ANO3: variants seen among roughly 807,000 people sequenced by gnomAD.
ANO3 encodes anoctamin-3.
Under a neutral mutation model 144.8 loss-of-function variants are expected in ANO3, and 99 were observed. That is an observed-to-expected ratio of 0.68 (90% confidence interval 0.58 to 0.81). The LOEUF (loss-of-function observed/expected upper bound fraction) is 0.81. Among genes scored for constraint, ANO3 ranks in the 30% least tolerant of loss-of-function variants. ANO3 has a pLI of 0.00. For missense variants in ANO3, 905 were observed against 1,202.2 expected, an observed-to-expected ratio of 0.75 and a Z score of 3.66; for synonymous variants, 414 against 392.6, an observed-to-expected ratio of 1.05 and a Z score of -0.64.
intron 14 of ANO3, among the ~76,000 whole-genome samples, chr11:26,582,724 C>A (rs769554372): frequency 1.3e-5 from 2 of 152,062 alleles, no homozygotes; most frequent in Non-Finnish European, 2.9e-5. Context: ...CTTCTTTATA[C>A]TTTTAATTAA....
intron 13 of ANO3, among the ~76,000 whole-genome samples, chr11:26,557,412 G>A (rs1398911478): frequency 1.4e-5 from 2 of 143,182 alleles, no homozygotes; most frequent in African/African-American, 5.2e-5. Flanking sequence ...AGTGAGCCGA[G>A]ATCACACCAC....
intron 3 of ANO3, among the ~76,000 whole-genome samples, chr11:26,458,595 A>G (rs78989361): frequency 0.027 from 4,126 of 152,278 alleles, 96 homozygotes; most frequent in Middle Eastern, 0.058. Flanking sequence ...TTAACTTAAG[A>G]TTATAGTTTA....
chr11:26,561,227 TA>T (rs1565105680), intron 14 of ANO3: 2 of 1,596,078 alleles, frequency 1.3e-6, no homozygotes, highest in South Asian at 1.1e-5. Flanking sequence ...ATCGCAGAAC[TA>T]AAAAAGTAAC....
At chr11:26,492,388 A>T (rs867150020) in intron 4 of ANO3, among the ~76,000 whole-genome samples, 1 of 152,228 alleles carries the variant, frequency 6.6e-6, no homozygotes, top group African/African-American at 2.4e-5. Flanking sequence ...ATGTCTGATT[A>T]GTAGAACTTA....
chr11:26,396,036 T>G (rs11029545), intron 1 of ANO3, among the ~76,000 whole-genome samples: 40,367 of 151,946 alleles, frequency 0.27, 6,017 homozygotes, highest in African/African-American at 0.41. Context: ...ATTTTTGCAA[T>G]CTATCCATCT....
intron 1 of ANO3, among the ~76,000 whole-genome samples, chr11:26,362,000 T>C (rs2133925863): frequency 2.0e-5 from 3 of 152,344 alleles, no homozygotes; most frequent in African/African-American, 7.2e-5. Flanking sequence ...AGTTGTACAG[T>C]ACTCCCTCCA....
intron 12 of ANO3, among the ~76,000 whole-genome samples, chr11:26,548,519 G>T (rs1279214583): frequency 6.6e-6 from 1 of 151,746 alleles, no homozygotes; most frequent in African/African-American, 2.4e-5. Context: ...TAATGCTAAG[G>T]TTATATGCTT....
intron 14 of ANO3, among the ~76,000 whole-genome samples, 186 bp from the exon 15 acceptor site, chr11:26,598,179 T>G (rs1450865860): frequency 1.3e-5 from 2 of 152,118 alleles, no homozygotes; most frequent in African/African-American, 2.4e-5. Flanking sequence ...CCTCTAGCAG[T>G]GTATGCTAAT....
At chr11:26,534,629 T>C in intron 9 of ANO3, 67 bp downstream of exon 9, 1 of 1,103,180 alleles carries the variant, frequency 9.1e-7, no homozygotes, top group Non-Finnish European at 1.4e-6. Flanking sequence ...TTATTGTTTT[T>C]TTTAACAGCT....
chr11:26,417,560 G>A (rs943103295), intron 1 of ANO3, among the ~76,000 whole-genome samples: 2 of 152,042 alleles, frequency 1.3e-5, no homozygotes, highest in Non-Finnish European at 2.9e-5. Context: ...TAGGAAAATG[G>A]CTGCTCCATA....
At chr11:26,310,139 T>C (rs1854473027) in intron 1 of ANO3, among the ~76,000 whole-genome samples, 1 of 152,182 alleles carries the variant, frequency 6.6e-6, no homozygotes, top group South Asian at 2.1e-4. Context: ...TATATGATAA[T>C]CATTTATATA....
At chr11:26,233,297 A>T (rs576107528) in intron 1 of ANO3, among the ~76,000 whole-genome samples, 2 of 152,282 alleles carry the variant, frequency 1.3e-5, no homozygotes, top group South Asian at 4.1e-4. Context: ...ATGAACAGAC[A>T]CGTCTCAGAA....
At chr11:26,567,111 C>T (rs1404294800) in intron 14 of ANO3, 1 of 1,457,074 alleles carries the variant, frequency 6.9e-7, no homozygotes, top group Non-Finnish European at 9.1e-7. Flanking sequence ...GATGAAGAAA[C>T]TGAAGCTCAC....
chr11:26,331,959 TAA>T (rs1181172267), upstream of ANO3: 3 of 515,702 alleles, frequency 5.8e-6, no homozygotes, highest in East Asian at 1.1e-4. Flanking sequence ...CCTCCTCCAG[TAA>T]AGTCTTCTGC....
chr11:26,598,055 C>G (rs908043760), intron 14 of ANO3, among the ~76,000 whole-genome samples: 1 of 152,100 alleles, frequency 6.6e-6, no homozygotes, highest in East Asian at 1.9e-4. Flanking sequence ...TTTGAATAAG[C>G]ATATGCAGGT....
intron 1 of ANO3, among the ~76,000 whole-genome samples, chr11:26,438,887 GAA>G (rs1858407466): frequency 6.6e-6 from 1 of 151,976 alleles, no homozygotes; most frequent in South Asian, 2.1e-4. Flanking sequence ...AAGCAATCTT[GAA>G]AAGAGAGAAC....
chr11:26,192,175 G>A (rs1462313819), intron 1 of ANO3, among the ~76,000 whole-genome samples: 3 of 152,082 alleles, frequency 2.0e-5, no homozygotes, highest in Non-Finnish European at 4.4e-5. Flanking sequence ...TAACAATATG[G>A]AATTTGTCAT....
chr11:26,380,046 G>A (rs557090248), intron 1 of ANO3, among the ~76,000 whole-genome samples: 60 of 152,268 alleles, frequency 3.9e-4, no homozygotes, highest in Middle Eastern at 6.8e-3. Flanking sequence ...TCTTGGTTCT[G>A]TGGACTGATA....
chr11:26,196,774 T>G (rs1851597751), intron 1 of ANO3, among the ~76,000 whole-genome samples: 1 of 152,328 alleles, frequency 6.6e-6, no homozygotes. Context: ...AGATTTGAAC[T>G]GAAATTGGCA....
Sources: gnomAD v4.1 joint callset for allele counts (sites outside exome capture counted in the v4.1 genomes callset) on GRCh38, gnomAD v4.1.1 for gene constraint, MANE v1.5 for transcripts, NCBI Gene and HGNC (gene_info 2026-07-23, HGNC 2026-07-21) for gene names.